Variants in TNNI3K observed in about 807,000 individuals in gnomAD.
The protein encoded by TNNI3K is TNNI3 interacting kinase, also known as serine/threonine-protein kinase TNNI3K.
TNNI3K carries 140 observed loss-of-function variants against 114.5 expected under a neutral mutation model. The observed-to-expected ratio is 1.22, with a 90% CI of 1.07 to 1.41. TNNI3K has a LOEUF of 1.41. Among genes scored for constraint, TNNI3K ranks in the 40% most tolerant of loss-of-function variants. The probability of loss-of-function intolerance (pLI) is 0.00; values close to 1 mark genes in which losing one functional copy is unlikely to be tolerated. For missense variants in TNNI3K, 1,125 were observed against 1,007.6 expected, an observed-to-expected ratio of 1.12 and a Z score of -1.58; for synonymous variants, 347 against 347.5, an observed-to-expected ratio of 1.00 and a Z score of 0.02.
intron 20 of TNNI3K, among the ~76,000 whole-genome samples, chr1:74,442,526 G>A (rs746362437): frequency 4.6e-5 from 7 of 151,858 alleles, no homozygotes; most frequent in Non-Finnish European, 8.8e-5. Flanking sequence ...CGATTGTATT[G>A]AATTATTAGA....
intron 17 of TNNI3K, among the ~76,000 whole-genome samples, chr1:74,388,887 G>C (rs552131277): frequency 1.6e-3 from 242 of 152,324 alleles, no homozygotes; most frequent in Non-Finnish European, 2.7e-3. Context: ...TAGCTGGGAA[G>C]TCCAGCACAG....
intron 2 of TNNI3K, among the ~76,000 whole-genome samples, chr1:74,247,460 A>G (rs2100841053): frequency 6.6e-6 from 1 of 152,310 alleles, no homozygotes; most frequent in South Asian, 2.1e-4. Context: ...CAAAGCTCCC[A>G]CGGTATGAAA....
At position 74,267,795 on chromosome 1, in the gene TNNI3K, A is replaced by G. The variant is rs563987068; in HGVS notation, c.334-3803A>G. Reference sequence around the variant, plus strand: ...ATGAAAGGATAAATTATTACTCTTAACTTTTGACCTTACCATTTGCCCATT... The same window carrying G: ...ATGAAAGGATAAATTATTACTCTTAGCTTTTGACCTTACCATTTGCCCATT... On this transcript the variant is annotated intron_variant, in intron 4 of 24. Coordinates refer to ENST00000326637, the MANE Select transcript of TNNI3K (RefSeq NM_015978.3). Among the ~76,000 whole-genome samples, 26 of 152,080 alleles carry G rather than the reference A, an allele frequency of 1.7e-4. No homozygotes were observed. The South Asian group carries it at 5.2e-3, about 30-fold the overall frequency.
chr1:74,466,712 C>CTCA (rs1180036546), intron 21 of TNNI3K, among the ~76,000 whole-genome samples: 1 of 152,174 alleles, frequency 6.6e-6, no homozygotes, highest in Non-Finnish European at 1.5e-5. Context: ...CTGTATGTGA[C>CTCA]TCACTTGAGT....
rs1199073999 is a variant in TNNI3K, at chr1:74,271,591, C to T, written c.334-7C>T. ...AAAAGTAACACTAAAGATATGTTTC[C>T]TTACAGGATAATGCAGAATTGATCA... On this transcript the variant is annotated splice_region_variant and splice_polypyrimidine_tract_variant and intron_variant, in intron 4 of 24. Coordinates refer to ENST00000326637, the MANE Select transcript of TNNI3K (RefSeq NM_015978.3). 3 of 1,586,794 alleles carry T rather than the reference C, an allele frequency of 1.9e-6. No homozygotes were observed. The highest frequency in any genetic ancestry group is 2.6e-6 in the Non-Finnish European group (3 of 1,165,508).
At chr1:74,276,569 G>A (rs568939496) in intron 5 of TNNI3K, among the ~76,000 whole-genome samples, 3 of 152,028 alleles carry the variant, frequency 2.0e-5, no homozygotes, top group Non-Finnish European at 2.9e-5. Flanking sequence ...AAAAATTTAG[G>A]TGCTTATTCC....
At chr1:74,433,563 A>C (rs1665988233) in intron 17 of TNNI3K, among the ~76,000 whole-genome samples, 1 of 152,150 alleles carries the variant, frequency 6.6e-6, no homozygotes, top group African/African-American at 2.4e-5. Context: ...GCACTTGCTA[A>C]GTTGCTCTCA....
chr1:74,431,631 G>T (rs1185314158), intron 17 of TNNI3K, among the ~76,000 whole-genome samples: 2 of 152,090 alleles, frequency 1.3e-5, no homozygotes, highest in African/African-American at 4.8e-5. Flanking sequence ...GAGATGAAAA[G>T]AGATACATTA....
chr1:74,288,496 G>A (rs575996584), intron 5 of TNNI3K, among the ~76,000 whole-genome samples: 1 of 152,158 alleles, frequency 6.6e-6, no homozygotes, highest in Admixed American at 6.5e-5. Context: ...AGGACATTAT[G>A]CCAAGTGAAA....
chr1:74,423,645 G>T (rs530315742), intron 17 of TNNI3K, among the ~76,000 whole-genome samples: 1 of 152,036 alleles, frequency 6.6e-6, no homozygotes, highest in Non-Finnish European at 1.5e-5. Context: ...TTACCATACC[G>T]CAGTTGCTTA....
At chr1:74,308,906 A>G (rs949992992) in intron 5 of TNNI3K, among the ~76,000 whole-genome samples, 2 of 152,170 alleles carry the variant, frequency 1.3e-5, no homozygotes, top group Non-Finnish European at 2.9e-5. Context: ...ACCTTGAGGA[A>G]ATGGATAAAT....
At chr1:74,418,402 C>T (rs1665233437) in intron 17 of TNNI3K, 1 of 161,900 alleles carries the variant, frequency 6.2e-6, no homozygotes, top group South Asian at 1.5e-4. Context: ...ACAGCTCATT[C>T]TAATGCTTTT....
At chr1:74,493,831 G>T (rs1466106845) in intron 23 of TNNI3K, among the ~76,000 whole-genome samples, 1 of 152,174 alleles carries the variant, frequency 6.6e-6, no homozygotes, top group Admixed American at 6.5e-5. Flanking sequence ...TGCTCAAGTT[G>T]TATCCTCTGA....
intron 23 of TNNI3K, among the ~76,000 whole-genome samples, chr1:74,535,299 AT>A (rs1646646544): frequency 6.6e-6 from 1 of 151,978 alleles, no homozygotes; most frequent in Non-Finnish European, 1.5e-5. Flanking sequence ...ATGAAGCCCC[AT>A]CTCTACTAAA....
At chr1:74,349,375 G>T (rs1029133424) in intron 9 of TNNI3K, among the ~76,000 whole-genome samples, 1 of 152,140 alleles carries the variant, frequency 6.6e-6, no homozygotes, top group Non-Finnish European at 1.5e-5. Context: ...CGGTTTGCCA[G>T]TATTTTATTG....
intron 17 of TNNI3K, chr1:74,373,017 G>T (rs776275349): frequency 6.6e-6 from 1 of 151,780 alleles, no homozygotes; most frequent in Non-Finnish European, 1.5e-5. Flanking sequence ...ATTATTTGTA[G>T]ACTATTTTCT....
chr1:74,292,860 G>A (rs1657765358), intron 5 of TNNI3K, among the ~76,000 whole-genome samples: 1 of 151,476 alleles, frequency 6.6e-6, no homozygotes, highest in South Asian at 2.1e-4. Flanking sequence ...ATATTTTGAT[G>A]CTATGTGTTA....
Position 74,369,004 on chromosome 1 carries a change from G to A in TNNI3K, c.1322-18G>A, listed in dbSNP as rs770886546. 20 of 1,582,382 alleles carry A rather than the reference G, an allele frequency of 1.3e-5. No individual in the cohort carries two copies. The Admixed American group carries it at 3.7e-4, about 30-fold the overall frequency. On this transcript the variant is annotated intron_variant, in intron 13 of 24. Coordinates refer to ENST00000326637, the MANE Select transcript of TNNI3K (RefSeq NM_015978.3). Reference sequence around the variant, plus strand: ...TGGTTTTTACCTTAAAAAATAAAATGACAATTTCTCTTTGCAGAGAAGGCA... The same window carrying A: ...TGGTTTTTACCTTAAAAAATAAAATAACAATTTCTCTTTGCAGAGAAGGCA...
At chr1:74,322,000 A>C (rs989505240) in intron 5 of TNNI3K, among the ~76,000 whole-genome samples, 2 of 152,116 alleles carry the variant, frequency 1.3e-5, no homozygotes, top group Non-Finnish European at 2.9e-5. Flanking sequence ...AAAATAGAAA[A>C]GCCTATAGAA....
Sources: gnomAD v4.1 joint callset for allele counts (sites outside exome capture counted in the v4.1 genomes callset) on GRCh38, gnomAD v4.1.1 for gene constraint, MANE v1.5 for transcripts, NCBI Gene and HGNC (gene_info 2026-07-23, HGNC 2026-07-21) for gene names.